The following SCN9A variants were observed in gnomAD, a reference collection of about 807,000 sequenced individuals.
SCN9A encodes the protein sodium channel protein type 9 subunit alpha.
SCN9A carries 131 observed loss-of-function variants against 187.0 expected under a neutral mutation model. The ratio of observed to expected loss-of-function variants is 0.70; its 90% CI spans 0.61 to 0.81. The LOEUF (loss-of-function observed/expected upper bound fraction) is 0.81, where lower values mean the gene tolerates loss of function less well. Ranked by LOEUF, SCN9A falls within the 30% of genes least tolerant of loss-of-function variation. The pLI, the probability that SCN9A is intolerant of heterozygous loss-of-function variation, is 0.00. For missense variants in SCN9A, 2,252 were observed against 2,396.6 expected, an observed-to-expected ratio of 0.94 and a Z score of 1.26; for synonymous variants, 809 against 808.6, an observed-to-expected ratio of 1.00 and a Z score of -0.01.
chr2:166,217,251 G>T lies in SCN9A; in HGVS notation c.4398+9316C>A, dbSNP rs539355772. Reference sequence around the variant, plus strand: ...TAAATATAAGAAATGAAACTATAAAGCTACTAGAAGAAAACATAAAAGAAA... The same window carrying T: ...TAAATATAAGAAATGAAACTATAAATCTACTAGAAGAAAACATAAAAGAAA... On this transcript the variant is annotated intron_variant, in intron 24 of 26. Transcript: ENST00000642356. Among the ~76,000 whole-genome samples the T allele has an allele frequency of 1.4e-4, 21 of 152,032 alleles. 1 individual carries two copies. The South Asian group carries it at 4.1e-3, about 30-fold the overall frequency.
chr2:166,275,603 A>T (rs1409148657), intron 16 of SCN9A, among the ~76,000 whole-genome samples: 2 of 151,732 alleles, frequency 1.3e-5, no homozygotes, highest in Non-Finnish European at 2.9e-5. Context: ...AAAAATACAC[A>T]AGCAAATCCT....
Position 166,238,214 on chromosome 2 carries a change from C to A in SCN9A, c.3681G>T (p.Glu1227Asp). 6.2e-7 allele frequency: 1 copy of A among 1,602,654 alleles called. No individual in the cohort carries two copies. Among genetic ancestry groups the A allele is most frequent in the African/African-American group, 1.3e-5 (1 of 74,758 alleles). ...ERKKTIKIIL[E>D]YADKIFTYIF... is the part of the protein sequence containing the mutation. ...TGTAAGTGAAGATCTTGTCTGCATACTCCAGGATAATCTTAATGGTCTTTT... is the reference window on the plus strand; with the variant it reads ...TGTAAGTGAAGATCTTGTCTGCATAATCCAGGATAATCTTAATGGTCTTTT... Residue 1227 changes from glutamate (E) to aspartate (D), a missense_variant, in exon 20 of 27, where the codon GAG becomes GAT. Transcript: ENST00000642356.
chr2:166,213,941 G>T (rs1463388345), intron 24 of SCN9A, among the ~76,000 whole-genome samples: 1 of 152,102 alleles, frequency 6.6e-6, no homozygotes, highest in African/African-American at 2.4e-5. Flanking sequence ...TGAGCACAGT[G>T]CCTTACATTT....
chr2:166,304,969 T>C (rs549626904), intron 5 of SCN9A, among the ~76,000 whole-genome samples: 1 of 152,254 alleles, frequency 6.6e-6, no homozygotes, highest in South Asian at 2.1e-4. Flanking sequence ...GGCAGTCTTC[T>C]TTGCACAATG....
chr2:166,349,915 C>T (rs1026914744), intron 1 of SCN9A, among the ~76,000 whole-genome samples: 3 of 151,466 alleles, frequency 2.0e-5, no homozygotes, highest in Non-Finnish European at 2.9e-5. Context: ...GAGGTTGTGG[C>T]GAGCCAAGAT....
intron 24 of SCN9A, among the ~76,000 whole-genome samples, chr2:166,214,779 G>T (rs1431045738): frequency 6.6e-6 from 1 of 151,660 alleles, no homozygotes; most frequent in African/African-American, 2.4e-5. Flanking sequence ...CTCCCAAAGT[G>T]CTGGGATTAC....
chr2:166,313,896 G>A (rs1456885734), intron 1 of SCN9A, among the ~76,000 whole-genome samples: 1 of 152,134 alleles, frequency 6.6e-6, no homozygotes, highest in African/African-American at 2.4e-5. Flanking sequence ...GAACATTAGG[G>A]GTGGGAATGG....
intron 19 of SCN9A, among the ~76,000 whole-genome samples, chr2:166,240,156 A>G (rs1231066463): frequency 6.6e-6 from 1 of 152,194 alleles, no homozygotes; most frequent in Non-Finnish European, 1.5e-5. Context: ...CATCATTGGT[A>G]AAATAAGCAA....
Position 166,203,976 on chromosome 2 carries a change from C to A in SCN9A, c.4753G>T (p.Val1585Phe). 6.3e-7 allele frequency: 1 copy of A among 1,591,156 alleles called. No homozygotes were observed. The highest frequency in any genetic ancestry group is 8.6e-7 in the Non-Finnish European group (1 of 1,162,532). The change falls in exon 26 of 27, where the codon GTT becomes TTT. Residue 1585 changes from valine (V) to phenylalanine (F), a missense_variant. Physicochemically the swap from Val to Phe is conservative, Grantham distance 50 (BLOSUM62 -1). Transcript: ENST00000642356. Reference sequence around the variant, plus strand: ...TTACCTACAATGGAGATAATCACAACCACAAAATCAAAAATATTCCATCCT... The same window carrying A: ...TTACCTACAATGGAGATAATCACAAACACAAAATCAAAAATATTCCATCCT... ...TVGWNIFDFV[V>F]VIISIVGMFL...
chr2:166,301,246 A>C (rs949369224), intron 7 of SCN9A: 2 of 150,758 alleles, frequency 1.3e-5, no homozygotes, highest in Non-Finnish European at 2.9e-5. Flanking sequence ...TTCATATGTA[A>C]ACAAATTGCA....
At chr2:166,362,135 G>A (rs982413166) in intron 1 of SCN9A, among the ~76,000 whole-genome samples, 1 of 152,084 alleles carries the variant, frequency 6.6e-6, no homozygotes, top group Admixed American at 6.6e-5. Flanking sequence ...AAGGAAGGGG[G>A]TAATCTGGTT....
In SCN9A at chr2:166,277,280, A is replaced by T; in HGVS notation, c.2577T>A (p.Ile859=). Residue 859 remains isoleucine (I), a synonymous_variant, in exon 16 of 27, where the codon ATT becomes ATA. Coordinates refer to ENST00000642356, the MANE Select transcript of SCN9A (RefSeq NM_001365536.1). Reference sequence around the variant, plus strand: ...TACCTAGAGCCCCTACTGAGTTACCAATGATCTTAATCAGCATGTTCAATG... The same window carrying T: ...TACCTAGAGCCCCTACTGAGTTACCTATGATCTTAATCAGCATGTTCAATG... ...WPTLNMLIKI[I]GNSVGALGNL... 1.2e-6 allele frequency: 2 copies of T among 1,614,002 alleles called. No individual in the cohort carries two copies. Among genetic ancestry groups the T allele is most frequent in the Non-Finnish European group, 1.7e-6 (2 of 1,179,882 alleles).
chr2:166,341,194 G>T (rs1477559881), intron 1 of SCN9A, among the ~76,000 whole-genome samples: 1 of 152,166 alleles, frequency 6.6e-6, no homozygotes, highest in African/African-American at 2.4e-5. Context: ...CAAGCAAATG[G>T]AAATTTCACA....
At chr2:166,364,565 A>G (rs1041616755) in intron 1 of SCN9A, among the ~76,000 whole-genome samples, 1 of 152,210 alleles carries the variant, frequency 6.6e-6, no homozygotes, top group East Asian at 1.9e-4. Flanking sequence ...ATGCTAAGTG[A>G]AATAAGCCAG....
intron 24 of SCN9A, among the ~76,000 whole-genome samples, chr2:166,220,569 A>G (rs1694539164): frequency 1.3e-5 from 2 of 152,174 alleles, no homozygotes; most frequent in Non-Finnish European, 2.9e-5. Flanking sequence ...TCCATCCTCC[A>G]GTACTGTGAT....
At chr2:166,367,073 C>G (rs1700434784) in intron 1 of SCN9A, among the ~76,000 whole-genome samples, 1 of 152,038 alleles carries the variant, frequency 6.6e-6, no homozygotes, top group Non-Finnish European at 1.5e-5. Context: ...ATTTGTACTC[C>G]TCCAATATAG....
At chr2:166,254,488 G>GT (rs1019650818) in intron 17 of SCN9A, among the ~76,000 whole-genome samples, 6 of 150,352 alleles carry the variant, frequency 4.0e-5, no homozygotes, top group Admixed American at 2.0e-4. Flanking sequence ...ATATAATAAA[G>GT]TTTTTTTTTC....
chr2:166,303,614 T>C (rs1252526103), intron 6 of SCN9A, among the ~76,000 whole-genome samples: 2 of 152,154 alleles, frequency 1.3e-5, no homozygotes, highest in Non-Finnish European at 2.9e-5. Flanking sequence ...TCTCTATAAA[T>C]GGCACCAAAA....
chr2:166,250,057 T>C (rs1695967776), intron 18 of SCN9A, among the ~76,000 whole-genome samples: 1 of 152,172 alleles, frequency 6.6e-6, no homozygotes, highest in South Asian at 2.1e-4. Flanking sequence ...AAAATTTATA[T>C]TGACTGGATG....
Sources: allele counts gnomAD v4.1 joint callset (sites outside exome capture counted in the v4.1 genomes callset), GRCh38; gene constraint gnomAD v4.1.1; transcripts MANE v1.5; gene names NCBI Gene and HGNC (gene_info 2026-07-23, HGNC 2026-07-21).